Variants in MGAT4C observed in about 807,000 individuals in gnomAD.
MGAT4C encodes MGAT4 family member C, also known as alpha-1,3-mannosyl-glycoprotein 4-beta-N-acetylglucosaminyltransferase C.
Under a neutral mutation model 40.1 loss-of-function variants are expected in MGAT4C, and 19 were observed. The observed-to-expected ratio is 0.47, with a 90% CI of 0.33 to 0.70. The LOEUF is 0.70. Among genes scored for constraint, MGAT4C ranks in the 30% least tolerant of loss-of-function variants. The probability of loss-of-function intolerance (pLI) is 0.02; values close to 1 mark genes in which losing one functional copy is unlikely to be tolerated. For synonymous variants in MGAT4C, 181 were observed against 187.1 expected (o/e 0.97, Z 0.27); for missense variants, 491 against 563.2 (o/e 0.87, Z 1.30).
chr12:86,161,629 A>G (rs935633427), intron 1 of MGAT4C, among the ~76,000 whole-genome samples: 1 of 152,142 alleles, frequency 6.6e-6, no homozygotes, highest in Non-Finnish European at 1.5e-5. Flanking sequence ...CACAAAATCA[A>G]TTGCAATAAA....
In MGAT4C at chr12:86,290,987, A is replaced by G. The variant is rs144359137; in HGVS notation, c.-57+43078T>C. Among the ~76,000 whole-genome samples, 894 of 152,320 alleles carry G rather than the reference A, an allele frequency of 5.9e-3. 4 individuals carry two copies. Among genetic ancestry groups the G allele is most frequent in the Middle Eastern group, 0.01 (3 of 294 alleles). On this transcript the variant is annotated intron_variant, in intron 4 of 7. Transcript: ENST00000548651. ...AGAGTTGAAATTTAAAATGCTTTGAACAACCAAGACCCAGAGAAATTGGGT... is the reference window on the plus strand; with the variant it reads ...AGAGTTGAAATTTAAAATGCTTTGAGCAACCAAGACCCAGAGAAATTGGGT...
chr12:86,389,555 T>C (rs1381335656), intron 3 of MGAT4C, among the ~76,000 whole-genome samples: 1 of 152,230 alleles, frequency 6.6e-6, no homozygotes, highest in Non-Finnish European at 1.5e-5. Context: ...TTTGGGTATG[T>C]ACCCATAATG....
intron 1 of MGAT4C, among the ~76,000 whole-genome samples, chr12:86,170,887 G>A (rs538129611): frequency 2.0e-5 from 3 of 152,076 alleles, no homozygotes; most frequent in South Asian, 2.1e-4. Flanking sequence ...CAGGCTGGGC[G>A]ACAGAGTGAG....
intron 1 of MGAT4C, among the ~76,000 whole-genome samples, chr12:86,155,835 T>C (rs1486056280): frequency 6.6e-6 from 1 of 152,160 alleles, no homozygotes; most frequent in Non-Finnish European, 1.5e-5. Context: ...AAGAGACACT[T>C]GGTGTTCTTT....
chr12:86,171,565 T>C (rs904360178), intron 1 of MGAT4C, among the ~76,000 whole-genome samples: 25 of 152,258 alleles, frequency 1.6e-4, no homozygotes, highest in Admixed American at 3.9e-4. Context: ...TTCCATTTAA[T>C]AGATCAAGAA....
chr12:86,705,013 A>G (rs1565937692), intron 2 of MGAT4C, among the ~76,000 whole-genome samples: 1 of 152,080 alleles, frequency 6.6e-6, no homozygotes, highest in African/African-American at 2.4e-5. Flanking sequence ...GAGGCATGTT[A>G]TCCGGGCCCC....
At chr12:86,500,759 A>G (rs975886325) in intron 2 of MGAT4C, among the ~76,000 whole-genome samples, 8 of 152,042 alleles carry the variant, frequency 5.3e-5, no homozygotes, top group Non-Finnish European at 1.0e-4. Flanking sequence ...ATAACTGGAT[A>G]CAGACATTAC....
chr12:86,773,942 C>CTTTTT lies in MGAT4C; in HGVS notation c.-261-46702_-261-46701insAAAAA, dbSNP rs1565980916. On this transcript the variant is annotated intron_variant, in intron 1 of 7. Transcript: ENST00000548651. The stretch of plus-strand genomic sequence containing the variant: ...ACAGGTTCACATTTTTTTAAAGTAA[C>CTTTTT]TTCTTTTTTTTTTTTTTTTTTTTTT... Among the ~76,000 whole-genome samples the CTTTTT allele has an allele frequency of 1.9e-5, 2 of 106,520 alleles. 1 individual carries two copies. 69.9% of individuals were successfully genotyped at this position (106,520 alleles called of 152,430 possible). A position where few individuals can be genotyped will look rare whatever the true frequency, so the allele number is the denominator to read the frequency against.
intron 3 of MGAT4C, among the ~76,000 whole-genome samples, chr12:86,366,417 ATGT>A (rs1955597600): frequency 6.6e-6 from 1 of 152,054 alleles, no homozygotes; most frequent in South Asian, 2.1e-4. Flanking sequence ...TTTTGGTACT[ATGT>A]TGAAGGAAAT....
chr12:86,689,649 G>A (rs1312375182), intron 2 of MGAT4C, among the ~76,000 whole-genome samples: 1 of 152,188 alleles, frequency 6.6e-6, no homozygotes, highest in Non-Finnish European at 1.5e-5. Context: ...AGGGGCTGCA[G>A]AACAGCAAAG....
intron 1 of MGAT4C, among the ~76,000 whole-genome samples, chr12:86,763,482 A>G (rs1053691217): frequency 4.6e-5 from 7 of 152,096 alleles, no homozygotes; most frequent in African/African-American, 1.4e-4. Context: ...CTTCATTTAT[A>G]TTATGTACTC....
intron 1 of MGAT4C, among the ~76,000 whole-genome samples, chr12:86,822,047 A>G (rs1367237469): frequency 6.6e-6 from 1 of 151,092 alleles, no homozygotes; most frequent in Non-Finnish European, 1.5e-5. Flanking sequence ...GACAACAATA[A>G]TATAATGTTT....
intron 3 of MGAT4C, among the ~76,000 whole-genome samples, chr12:86,395,856 C>G (rs1429629621): frequency 6.6e-6 from 1 of 152,014 alleles, no homozygotes; most frequent in Non-Finnish European, 1.5e-5. Context: ...CAGAGTTTCA[C>G]AAAAATAATT....
Position 86,768,442 on chromosome 12 carries a change from C to G in MGAT4C, c.-261-41201G>C, listed in dbSNP as rs909109380. Among the ~76,000 whole-genome samples, 447 of 152,118 alleles carry G rather than the reference C, an allele frequency of 2.9e-3. 1 individual carries two copies. The highest frequency in any genetic ancestry group is 0.01 in the African/African-American group (432 of 41,490). On this transcript the variant is annotated intron_variant, in intron 1 of 7. Coordinates refer to the MGAT4C transcript ENST00000548651. ...AATATCGTGAAAATGGCCATACTAC[C>G]CAAGGTAATTTACAGATTCAATGCC... is the stretch of plus-strand genomic sequence containing the variant.
intron 1 of MGAT4C, among the ~76,000 whole-genome samples, chr12:86,252,714 ATTC>A (rs1397135713): frequency 1.3e-5 from 2 of 151,566 alleles, no homozygotes; most frequent in Non-Finnish European, 1.5e-5. Context: ...AAATAAAAAA[ATTC>A]TTCATTTTTT....
At chr12:86,175,158 T>C (rs546374641) in intron 1 of MGAT4C, among the ~76,000 whole-genome samples, 1 of 152,284 alleles carries the variant, frequency 6.6e-6, no homozygotes, top group African/African-American at 2.4e-5. Flanking sequence ...TCAAAGAATG[T>C]ATAGAAATGT....
chr12:86,341,776 C>T (rs1005362082), intron 3 of MGAT4C, among the ~76,000 whole-genome samples: 2 of 152,244 alleles, frequency 1.3e-5, no homozygotes, highest in South Asian at 2.1e-4. Flanking sequence ...TTTAAGCAGG[C>T]ACTCAATCCT....
At chr12:86,718,863 T>C (rs1428110054) in intron 2 of MGAT4C, among the ~76,000 whole-genome samples, 2 of 151,502 alleles carry the variant, frequency 1.3e-5, no homozygotes, top group Non-Finnish European at 2.9e-5. Flanking sequence ...ACCCCCTCCA[T>C]GGAAAAATTC....
chr12:86,196,308 ATCC>A (rs1239831102), intron 1 of MGAT4C, among the ~76,000 whole-genome samples: 6 of 152,186 alleles, frequency 3.9e-5, no homozygotes, highest in Non-Finnish European at 8.8e-5. Context: ...CTCACGCATA[ATCC>A]TCTTTGGTCT....
Sources: gnomAD v4.1 joint callset for allele counts (sites outside exome capture counted in the v4.1 genomes callset) on GRCh38, gnomAD v4.1.1 for gene constraint, MANE v1.5 for transcripts, NCBI Gene and HGNC (gene_info 2026-07-23, HGNC 2026-07-21) for gene names.